Variants in NUP37 observed in about 807,000 individuals in gnomAD.
NUP37 encodes nucleoporin Nup37.
In NUP37, 33 loss-of-function variants were observed where a neutral mutation model predicts 45.4. The observed-to-expected ratio is 0.73, with a 90% CI of 0.55 to 0.97. The LOEUF (loss-of-function observed/expected upper bound fraction) is 0.97. NUP37 is among the 50% of genes least tolerant of loss of function. The pLI is 0.00. For missense variants in NUP37, 365 were observed against 389.7 expected (o/e 0.94, Z 0.53); for synonymous variants, 127 against 130.7 (o/e 0.97, Z 0.19).
chr12:102,079,384 ATG>A (rs1397969688), intron 6 of NUP37, among the ~76,000 whole-genome samples: 7 of 152,106 alleles, frequency 4.6e-5, no homozygotes, highest in South Asian at 2.1e-4. Flanking sequence ...ACACACACAC[ATG>A]GATAGTCAAT....
intron 5 of NUP37, among the ~76,000 whole-genome samples, chr12:102,097,944 T>C (rs1193426441): frequency 6.6e-6 from 1 of 152,240 alleles, no homozygotes; most frequent in Admixed American, 6.5e-5. Context: ...AGATGAGCTA[T>C]ATTAAGAAGA....
chr12:102,105,785 C>G (rs1880129754), intron 3 of NUP37, among the ~76,000 whole-genome samples: 1 of 149,180 alleles, frequency 6.7e-6, no homozygotes, highest in Non-Finnish European at 1.5e-5. Flanking sequence ...TCACTTGAAC[C>G]TGGGAGGTGG....
intron 3 of NUP37, among the ~76,000 whole-genome samples, chr12:102,105,518 G>A (rs934826468): frequency 6.6e-6 from 1 of 151,354 alleles, no homozygotes; most frequent in Non-Finnish European, 1.5e-5. Context: ...TGACAGGAGC[G>A]AAACCCTGTC....
chr12:102,104,812 A>G (rs368211608), intron 3 of NUP37, among the ~76,000 whole-genome samples: 1 of 152,168 alleles, frequency 6.6e-6, no homozygotes, highest in African/African-American at 2.4e-5. Context: ...CTACATATTT[A>G]TCTTTATGCC....
chr12:102,106,976 G>C (rs183250460), intron 3 of NUP37, among the ~76,000 whole-genome samples: 1 of 152,094 alleles, frequency 6.6e-6, no homozygotes, highest in Non-Finnish European at 1.5e-5. Context: ...CAGACCCCTC[G>C]TTTGTCATGA....
intron 2 of NUP37, among the ~76,000 whole-genome samples, chr12:102,114,154 G>A (rs1880394452): frequency 6.6e-6 from 1 of 152,170 alleles, no homozygotes; most frequent in Non-Finnish European, 1.5e-5. Context: ...ATAAGTTTAG[G>A]AGCCTAATCA....
intron 3 of NUP37, among the ~76,000 whole-genome samples, chr12:102,105,904 A>T (rs1381685940): frequency 6.6e-6 from 1 of 151,560 alleles, no homozygotes. Context: ...AGATAAGTCT[A>T]TGTGTTAACC....
At chr12:102,095,204 C>CTTAAATG (rs1879769311) in intron 5 of NUP37, among the ~76,000 whole-genome samples, 1 of 151,986 alleles carries the variant, frequency 6.6e-6, no homozygotes, top group Non-Finnish European at 1.5e-5. Context: ...ATAAGCTTAA[C>CTTAAATG]CCACTAAATA....
At chr12:102,107,191 G>C (rs1484232661) in intron 3 of NUP37, among the ~76,000 whole-genome samples, 1 of 152,096 alleles carries the variant, frequency 6.6e-6, no homozygotes, top group African/African-American at 2.4e-5. Flanking sequence ...ATGCAACAGG[G>C]CCTAGACCAA....
intron 5 of NUP37, 89 bp downstream of exon 5, chr12:102,099,017 T>C (rs569417987): frequency 3.4e-6 from 3 of 890,636 alleles, no homozygotes; most frequent in South Asian, 2.8e-5. Flanking sequence ...AGAATTTATG[T>C]AAAAGTCACA....
At chr12:102,100,433 C>T (rs963854566) in intron 4 of NUP37, among the ~76,000 whole-genome samples, 5 of 152,170 alleles carry the variant, frequency 3.3e-5, no homozygotes, top group Non-Finnish European at 4.4e-5. Context: ...ACACATACGG[C>T]GTTTACTATG....
intron 3 of NUP37, among the ~76,000 whole-genome samples, chr12:102,108,088 G>T (rs1376058499): frequency 6.6e-6 from 1 of 152,168 alleles, no homozygotes; most frequent in East Asian, 1.9e-4. Flanking sequence ...ACAAAGTACT[G>T]GTTCTGGGTG....
chr12:102,101,751 G>A (rs1284394148), intron 3 of NUP37, among the ~76,000 whole-genome samples: 1 of 151,592 alleles, frequency 6.6e-6, no homozygotes, highest in Admixed American at 6.6e-5. Context: ...CTTTGAGACA[G>A]ACTTGCTCTG....
chr12:102,095,893 C>A (rs1399431823), intron 5 of NUP37, among the ~76,000 whole-genome samples: 1 of 152,034 alleles, frequency 6.6e-6, no homozygotes, highest in Non-Finnish European at 1.5e-5. Flanking sequence ...TTACATTATA[C>A]TCTACACAAC....
chr12:102,116,531 C>T (rs2136759002), intron 2 of NUP37, among the ~76,000 whole-genome samples: 1 of 152,294 alleles, frequency 6.6e-6, no homozygotes, highest in African/African-American at 2.4e-5. Flanking sequence ...TTTCTACTCC[C>T]ACCCAAACAG....
At chr12:102,076,214 T>C (rs1879162247) in intron 8 of NUP37, among the ~76,000 whole-genome samples, 1 of 152,232 alleles carries the variant, frequency 6.6e-6, no homozygotes. Flanking sequence ...TGTATTTTAT[T>C]CTTAATAATG....
intron 9 of NUP37, chr12:102,074,704 C>T (rs762594784): frequency 4.3e-5 from 19 of 444,550 alleles, no homozygotes; most frequent in South Asian, 3.4e-4. Context: ...TCTACACCAA[C>T]CAAACAAGCA....
chr12:102,112,462 C>T (rs1206825566), intron 2 of NUP37, among the ~76,000 whole-genome samples: 1 of 152,086 alleles, frequency 6.6e-6, no homozygotes, highest in African/African-American at 2.4e-5. Context: ...TAAACATGTT[C>T]TACTTTATCT....
chr12:102,076,177 T>C (rs1879160702), intron 8 of NUP37, among the ~76,000 whole-genome samples: 1 of 152,212 alleles, frequency 6.6e-6, no homozygotes, highest in Admixed American at 6.5e-5. Flanking sequence ...ATCTTAACGA[T>C]CCATGGCATT....
Sources: allele counts gnomAD v4.1 joint callset (sites outside exome capture counted in the v4.1 genomes callset), GRCh38; gene constraint gnomAD v4.1.1; transcripts MANE v1.5; gene names NCBI Gene and HGNC (gene_info 2026-07-23, HGNC 2026-07-21).